COG3: variants seen among roughly 807,000 people sequenced by gnomAD.
COG3 encodes conserved oligomeric Golgi complex subunit 3.
A neutral mutation model predicts 114.1 loss-of-function variants in COG3; 32 were observed. The observed-to-expected ratio is 0.28, with a 90% confidence interval of 0.21 to 0.38. The LOEUF (loss-of-function observed/expected upper bound fraction) is 0.38, where lower values mean the gene tolerates loss of function less well. COG3 is among the 10% of genes least tolerant of loss of function. COG3 has a pLI of 1.00. For missense variants in COG3, 813 were observed against 973.2 expected (o/e 0.84, Z 2.19); for synonymous variants, 352 against 365.7 (o/e 0.96, Z 0.43).
intron 11 of COG3, among the ~76,000 whole-genome samples, chr13:45,492,855 T>G (rs1887099771): frequency 6.6e-6 from 1 of 152,198 alleles, no homozygotes; most frequent in Non-Finnish European, 1.5e-5. Flanking sequence ...TAAGTTTTTC[T>G]TTTTAAATGT....
intron 14 of COG3, among the ~76,000 whole-genome samples, chr13:45,503,714 A>G (rs926917876): frequency 6.6e-6 from 1 of 152,170 alleles, no homozygotes; most frequent in Non-Finnish European, 1.5e-5. Context: ...GTAGAAAGGC[A>G]TGCAGGAATG....
rs1873467002 is a variant in COG3, at chr13:45,535,142, G to GT, written c.*412dup. 1.0e-6 allele frequency: 1 copy of GT among 997,978 alleles called. No individual in the cohort carries two copies. Among genetic ancestry groups the GT allele is most frequent in the East Asian group, 1.0e-4 (1 of 9,570 alleles). The allele number at this position is 997,978 out of a possible 1,614,324, so 61.8% of individuals were successfully genotyped here. ...AAGGTTTGCTAAAACGTGAAACACT[G>GT]TAACACTTTTAACCACTGAGCATTC... On this transcript the variant is annotated 3_prime_UTR_variant, in exon 23 of 23. Coordinates refer to ENST00000349995, the MANE Select transcript of COG3 (RefSeq NM_031431.4).
chr13:45,470,638 C>T (rs901111129), intron 1 of COG3, among the ~76,000 whole-genome samples: 1 of 152,218 alleles, frequency 6.6e-6, no homozygotes, highest in Non-Finnish European at 1.5e-5. Flanking sequence ...ACATTTTGCA[C>T]AACTATAGTA....
intron 14 of COG3, among the ~76,000 whole-genome samples, chr13:45,508,403 T>TACAC (rs1182268847): frequency 1.2e-3 from 163 of 133,034 alleles, no homozygotes; most frequent in Middle Eastern, 7.2e-3. Flanking sequence ...TATATATATA[T>TACAC]ACACACACAC....
intron 21 of COG3, 61 bp downstream of exon 21, chr13:45,529,979 T>C: frequency 6.5e-7 from 1 of 1,544,502 alleles, no homozygotes; most frequent in Non-Finnish European, 8.7e-7. Flanking sequence ...TTTGCCTCAT[T>C]TACCATTTTC....
intron 14 of COG3, among the ~76,000 whole-genome samples, chr13:45,504,906 G>T (rs975343478): frequency 6.6e-6 from 1 of 152,176 alleles, no homozygotes; most frequent in Non-Finnish European, 1.5e-5. Context: ...TGGAAAACAG[G>T]CTGGGTGCAG....
At chr13:45,506,636 G>A (rs1028875330) in intron 14 of COG3, among the ~76,000 whole-genome samples, 4 of 152,212 alleles carry the variant, frequency 2.6e-5, no homozygotes, top group African/African-American at 4.8e-5. Context: ...TGAACAGCTC[G>A]TCATCTGTGC....
intron 2 of COG3, 96 bp downstream of exon 2, chr13:45,476,443 A>G (rs937161182): frequency 1.6e-6 from 2 of 1,213,158 alleles, no homozygotes; most frequent in Non-Finnish European, 2.3e-6. Flanking sequence ...AACATTTGTC[A>G]CCATAATTAA....
chr13:45,475,526 T>C (rs1271836677), intron 1 of COG3, among the ~76,000 whole-genome samples: 1 of 152,204 alleles, frequency 6.6e-6, no homozygotes, highest in Non-Finnish European at 1.5e-5. Context: ...TTGTTAATCC[T>C]GTTGGTCAGG....
At chr13:45,489,186 CAAAAAAAAA>C (rs71074703) in intron 8 of COG3, among the ~76,000 whole-genome samples, 4 of 30,412 alleles carry the variant, frequency 1.3e-4, no homozygotes, top group Admixed American at 6.8e-4. Context: ...GACTCTGTTT[CAAAAAAAAA>C]AAAAAAAAAA....
chr13:45,491,003 T>G, intron 9 of COG3, 45 bp downstream of exon 9: 1 of 1,277,752 alleles, frequency 7.8e-7, no homozygotes, highest in Non-Finnish European at 1.1e-6. Context: ...AACCTTTGTC[T>G]TGTAGTACTG....
intron 17 of COG3, 35 bp from the exon 18 acceptor site, chr13:45,518,727 T>C (rs753621487): frequency 1.3e-5 from 20 of 1,528,930 alleles, no homozygotes; most frequent in Admixed American, 3.5e-5. Context: ...GTTGAAACTT[T>C]ACATGTTCAC....
chr13:45,518,990 GACTCTAAAAAAGAC>G lies in COG3; in HGVS notation c.2051_2064del (p.Asp684GlyfsTer10). 1 of 1,614,070 alleles carries G rather than the reference GACTCTAAAAAAGAC, an allele frequency of 6.2e-7. No homozygotes were observed. The highest frequency in any genetic ancestry group is 2.2e-5 in the East Asian group (1 of 44,886). ...TCCTGAGATAAGAGAACATTATCTT[GACTCTAAAAAAGAC>G]GTAGACCGTCATCTGAAATCGGCCT... On this transcript the variant is annotated frameshift_variant, in exon 19 of 23. Transcript: ENST00000349995. LOFTEE classifies it high-confidence loss of function.
chr13:45,471,004 T>C (rs531291126), intron 1 of COG3, among the ~76,000 whole-genome samples: 2 of 152,374 alleles, frequency 1.3e-5, no homozygotes, highest in African/African-American at 2.4e-5. Flanking sequence ...GAAGGGTTTA[T>C]TGGGACACAA....
At chr13:45,490,871 TATAAC>T (rs1886976853) in intron 8 of COG3, 39 bp from the exon 9 acceptor site, 6 of 1,155,068 alleles carry the variant, frequency 5.2e-6, no homozygotes, top group Non-Finnish European at 7.7e-6. Context: ...TAATGGATAA[TATAAC>T]AGAGATGGTT....
chr13:45,522,435 C>T lies in COG3; in HGVS notation c.2155-2541C>T, dbSNP rs376379596. 5.3e-5 allele frequency among the ~76,000 whole-genome samples: 8 copies of T among 152,240 alleles called. No individual in the cohort carries two copies. In the South Asian group the frequency reaches 1.0e-3, roughly 20 times the overall value. On this transcript the variant is annotated intron_variant, in intron 19 of 22. Transcript: ENST00000349995. The stretch of plus-strand genomic sequence containing the variant: ...TGTTTATGTAGCTTCTTCCTCTGTG[C>T]TCCTTGTTGAGACACTTTGTATGCA...
At chr13:45,482,803 C>G (rs1159465395) in intron 6 of COG3, among the ~76,000 whole-genome samples, 6 of 152,170 alleles carry the variant, frequency 3.9e-5, no homozygotes, top group African/African-American at 1.4e-4. Flanking sequence ...GGTGTCTTGA[C>G]ATGCCCGGTA....
chr13:45,513,970 T>C (rs1871250740), intron 16 of COG3, among the ~76,000 whole-genome samples: 1 of 152,088 alleles, frequency 6.6e-6, no homozygotes, highest in Non-Finnish European at 1.5e-5. Context: ...TGTAATAAAA[T>C]GCATTGAAGA....
At position 45,528,851 on chromosome 13, in the gene COG3, A is replaced by G. The variant is rs578055084; in HGVS notation, c.2231-940A>G. On this transcript the variant is annotated intron_variant, in intron 20 of 22. Transcript: ENST00000349995. Reference sequence around the variant, plus strand: ...TTTTGTTTTTCCTTATACTCTTAACATGTCTGTATACTCATATCTTGGTAT... The same window carrying G: ...TTTTGTTTTTCCTTATACTCTTAACGTGTCTGTATACTCATATCTTGGTAT... Among the ~76,000 whole-genome samples, 15 of 152,322 alleles carry G rather than the reference A, an allele frequency of 9.8e-5. No homozygotes were observed. The East Asian group carries it at 2.9e-3, about 29-fold the overall frequency.
Sources: gnomAD v4.1 joint callset for allele counts (sites outside exome capture counted in the v4.1 genomes callset) on GRCh38, gnomAD v4.1.1 for gene constraint, MANE v1.5 for transcripts, NCBI Gene and HGNC (gene_info 2026-07-23, HGNC 2026-07-21) for gene names.